The following BRINP3 variants were observed in gnomAD, a reference collection of about 807,000 sequenced individuals.
BRINP3 encodes BMP/retinoic acid inducible neural specific 3, also known as BMP/retinoic acid-inducible neural-specific protein 3.
BRINP3 carries 19 observed loss-of-function variants against 71.0 expected under a neutral mutation model. The ratio of observed to expected loss-of-function variants is 0.27; its 90% CI spans 0.19 to 0.39. BRINP3 has a LOEUF of 0.39. Ranked by LOEUF, BRINP3 falls within the 10% of genes least tolerant of loss-of-function variation. The pLI, the probability that BRINP3 is intolerant of heterozygous loss-of-function variation, is 1.00. For synonymous variants in BRINP3, 380 were observed against 337.7 expected (o/e 1.13, Z -1.37); for missense variants, 959 against 940.8 (o/e 1.02, Z -0.25).
chr1:190,470,871 TGA>T (rs1422469138), intron 1 of BRINP3, among the ~76,000 whole-genome samples: 1 of 151,222 alleles, frequency 6.6e-6, no homozygotes, highest in Non-Finnish European at 1.5e-5. Flanking sequence ...AAATCATAAT[TGA>T]GTTATTGCAA....
chr1:190,143,884 G>T lies in BRINP3; in HGVS notation c.1184+16784C>A, dbSNP rs562290739. Reference sequence around the variant, plus strand: ...GACAGATTGGTAATCTGAAAGTTATGAGAATTGCATAGCCATGACCATTTA... The same window carrying T: ...GACAGATTGGTAATCTGAAAGTTATTAGAATTGCATAGCCATGACCATTTA... On this transcript the variant is annotated intron_variant, in intron 7 of 7. Transcript: ENST00000367462. 3.3e-5 allele frequency among the ~76,000 whole-genome samples: 5 copies of T among 152,252 alleles called. No individual in the cohort carries two copies. In the South Asian group the frequency reaches 1.0e-3, roughly 32 times the overall value.
At chr1:190,262,096 A>G (rs1381421026) in intron 4 of BRINP3, among the ~76,000 whole-genome samples, 1 of 152,108 alleles carries the variant, frequency 6.6e-6, no homozygotes, top group Admixed American at 6.5e-5. Context: ...CTCCATACAA[A>G]ATTGCACAGA....
chr1:190,468,327 T>C (rs1282348093), intron 1 of BRINP3, among the ~76,000 whole-genome samples: 1 of 151,340 alleles, frequency 6.6e-6, no homozygotes, highest in Admixed American at 6.6e-5. Context: ...GATTCTTACT[T>C]GAAATCAGAA....
intron 4 of BRINP3, among the ~76,000 whole-genome samples, chr1:190,248,721 A>G (rs996222555): frequency 6.6e-6 from 1 of 151,180 alleles, no homozygotes; most frequent in African/African-American, 2.4e-5. Context: ...GGAGATTTGA[A>G]CTCTATGACT....
intron 7 of BRINP3, among the ~76,000 whole-genome samples, chr1:190,121,505 T>C (rs1321783839): frequency 6.6e-6 from 1 of 152,202 alleles, no homozygotes; most frequent in Non-Finnish European, 1.5e-5. Flanking sequence ...GCTATTGATA[T>C]GTTTGTATTT....
rs543977834 is a variant in BRINP3 at position 190,149,662 on chromosome 1, A to T, written c.1184+11006T>A. Among the ~76,000 whole-genome samples, 18 of 149,844 alleles carry T rather than the reference A, an allele frequency of 1.2e-4. No individual in the cohort carries two copies. In the South Asian group the frequency reaches 3.6e-3, roughly 30 times the overall value. On this transcript the variant is annotated intron_variant, in intron 7 of 7. Transcript: ENST00000367462. ...GTGTGTGTGTGTGTGTGTGTATGTG[A>T]GAGAGAGAGACCTGGTAGAATTTCC... is the stretch of plus-strand genomic sequence containing the variant.
intron 2 of BRINP3, among the ~76,000 whole-genome samples, chr1:190,340,676 C>G (rs1476352727): frequency 6.6e-6 from 1 of 151,620 alleles, no homozygotes; most frequent in Non-Finnish European, 1.5e-5. Flanking sequence ...ATTTATTTCC[C>G]CACATGCATA....
chr1:190,464,156 A>G (rs1294430113), intron 1 of BRINP3, among the ~76,000 whole-genome samples: 3 of 151,728 alleles, frequency 2.0e-5, no homozygotes, highest in African/African-American at 7.3e-5. Context: ...TAAAAAAAAA[A>G]GTAAACTAAA....
intron 2 of BRINP3, among the ~76,000 whole-genome samples, chr1:190,425,545 C>A (rs1228859539): frequency 6.6e-6 from 1 of 151,678 alleles, no homozygotes; most frequent in Admixed American, 6.6e-5. Context: ...GAATTTTTAA[C>A]TTGGAAAGAA....
intron 7 of BRINP3, among the ~76,000 whole-genome samples, chr1:190,142,470 G>T (rs1158930832): frequency 6.6e-6 from 1 of 152,094 alleles, no homozygotes; most frequent in African/African-American, 2.4e-5. Context: ...CATTGGAAAT[G>T]ATAAGATTCA....
intron 2 of BRINP3, among the ~76,000 whole-genome samples, chr1:190,289,551 G>A (rs1663696816): frequency 6.6e-6 from 1 of 151,866 alleles, no homozygotes; most frequent in South Asian, 2.1e-4. Context: ...CTTTCAGTAT[G>A]AATCAGGCTT....
chr1:190,177,169 T>C lies in BRINP3; in HGVS notation c.962-16279A>G, dbSNP rs974565798. ...CCACTTCTTTTTTTTTTTTTTTTTT[T>C]TTTTTTTTTTTGAGACAGAGTCTCA... On this transcript the variant is annotated intron_variant, in intron 6 of 7. Transcript: ENST00000367462. 1.8e-4 allele frequency among the ~76,000 whole-genome samples: 23 copies of C among 130,358 alleles called. 1 individual carries two copies. In the East Asian group the frequency reaches 4.2e-3, roughly 24 times the overall value. 85.5% of individuals were successfully genotyped at this position (130,358 alleles called of 152,430 possible).
At chr1:190,146,505 TCAC>T (rs1289577417) in intron 7 of BRINP3, among the ~76,000 whole-genome samples, 1 of 152,144 alleles carries the variant, frequency 6.6e-6, no homozygotes, top group East Asian at 1.9e-4. Context: ...TATATCATCA[TCAC>T]CACCATTACT....
At position 190,138,895 on chromosome 1, in the gene BRINP3, C is replaced by T. The variant is rs1016321281; in HGVS notation, c.1184+21773G>A. 9.2e-5 allele frequency among the ~76,000 whole-genome samples: 14 copies of T among 152,236 alleles called. No individual in the cohort carries two copies. In the South Asian group the frequency reaches 1.5e-3, roughly 16 times the overall value. ...GAGCCTGAGTCCAGATCATATACATCTCAATGGCGGCAGCAGGGACAGGCA... is the reference window on the plus strand; with the variant it reads ...GAGCCTGAGTCCAGATCATATACATTTCAATGGCGGCAGCAGGGACAGGCA... On this transcript the variant is annotated intron_variant, in intron 7 of 7. Transcript: ENST00000367462.
At chr1:190,157,457 G>A (rs747795682) in intron 7 of BRINP3, among the ~76,000 whole-genome samples, 3 of 151,996 alleles carry the variant, frequency 2.0e-5, no homozygotes, top group African/African-American at 4.8e-5. Context: ...TCTTCCCTGA[G>A]CTTCAGACAT....
At chr1:190,181,051 T>A (rs1475289595) in intron 6 of BRINP3, among the ~76,000 whole-genome samples, 1 of 152,014 alleles carries the variant, frequency 6.6e-6, no homozygotes, top group African/African-American at 2.4e-5. Flanking sequence ...GTTACAACAA[T>A]CCCTCCACTT....
intron 7 of BRINP3, among the ~76,000 whole-genome samples, chr1:190,152,512 C>A (rs909097452): frequency 2.2e-5 from 3 of 136,652 alleles, no homozygotes; most frequent in East Asian, 4.5e-4. Context: ...ATATATATAT[C>A]GCCACAGAAT....
At chr1:190,333,849 T>C (rs1343969449) in intron 2 of BRINP3, among the ~76,000 whole-genome samples, 3 of 151,948 alleles carry the variant, frequency 2.0e-5, no homozygotes, top group African/African-American at 7.2e-5. Flanking sequence ...CTTTAACTCA[T>C]TGATCCTGAT....
intron 2 of BRINP3, among the ~76,000 whole-genome samples, chr1:190,282,041 T>C (rs955480716): frequency 6.6e-6 from 1 of 151,866 alleles, no homozygotes; most frequent in African/African-American, 2.4e-5. Context: ...GCCTAGAATA[T>C]GAATATAGAG....
Sources: allele counts gnomAD v4.1 joint callset (sites outside exome capture counted in the v4.1 genomes callset), GRCh38; gene constraint gnomAD v4.1.1; transcripts MANE v1.5; gene names NCBI Gene and HGNC (gene_info 2026-07-23, HGNC 2026-07-21).